The following PARK7 variants were observed in gnomAD, a reference collection of about 807,000 sequenced individuals.
PARK7 encodes the protein Parkinsonism associated deglycase.
In PARK7, 14 loss-of-function variants were observed where a neutral mutation model predicts 20.5. The observed-to-expected ratio is 0.68, with a 90% CI of 0.45 to 1.07. The LOEUF is 1.07. Among genes scored for constraint, PARK7 ranks in the 50% least tolerant of loss-of-function variants. PARK7 has a pLI of 0.00. For missense variants in PARK7, 234 were observed against 238.1 expected (o/e 0.98, Z 0.11); for synonymous variants, 98 against 84.3 (o/e 1.16, Z -0.89).
rs146442878 is a variant in PARK7 at position 7,966,928 on chromosome 1, G to A, written c.192+1503G>A. On this transcript the variant is annotated intron_variant, in intron 3 of 6. Coordinates refer to ENST00000338639, the MANE Select transcript of PARK7 (RefSeq NM_007262.5). The stretch of plus-strand genomic sequence containing the variant: ...TCAAACATTTCTTTGTGTTGGGAAC[G>A]TTCAATATCCTCCTTGCTATTTGAA... 4.4e-3 allele frequency among the ~76,000 whole-genome samples: 665 copies of A among 152,206 alleles called. 25 individuals carry two copies. The highest frequency in any genetic ancestry group is 0.033 in the Admixed American group (506 of 15,280).
intron 6 of PARK7, among the ~76,000 whole-genome samples, chr1:7,980,943 A>T (rs1205883567): frequency 6.6e-6 from 1 of 152,142 alleles, no homozygotes; most frequent in Non-Finnish European, 1.5e-5. Context: ...CCTGGGCTCA[A>T]ATGACCCTCC....
At chr1:7,971,065 G>T in intron 5 of PARK7, 102 bp downstream of exon 5, 1 of 1,249,510 alleles carries the variant, frequency 8.0e-7, no homozygotes. Context: ...CATAAAGCAT[G>T]CAGGGCATCT....
chr1:7,981,562 G>T (rs1640708681), intron 6 of PARK7, among the ~76,000 whole-genome samples: 1 of 152,176 alleles, frequency 6.6e-6, no homozygotes. Flanking sequence ...AAACACGCAG[G>T]GTGGCTTTGT....
chr1:7,967,927 A>T (rs935629023), intron 3 of PARK7, among the ~76,000 whole-genome samples: 9 of 152,062 alleles, frequency 5.9e-5, no homozygotes, highest in Non-Finnish European at 1.3e-4. Context: ...TCTCTAAAAA[A>T]ATTTTATAGG....
intron 4 of PARK7, 36 bp downstream of exon 4, chr1:7,969,440 TGGGG>T: frequency 3.8e-6 from 3 of 790,030 alleles, no homozygotes; most frequent in Non-Finnish European, 4.2e-6. Context: ...TCAATAAAGC[TGGGG>T]GGGGGGAAAA....
chr1:7,977,090 AG>A (rs1640597902), intron 5 of PARK7, among the ~76,000 whole-genome samples: 1 of 152,184 alleles, frequency 6.6e-6, no homozygotes, highest in South Asian at 2.1e-4. Context: ...AGAGAGTACC[AG>A]TTGCCTTTAG....
In PARK7 at chr1:7,972,326, A is replaced by G. The variant is rs528316061; in HGVS notation, c.322+1363A>G. ...AAACAAACAAACAAAAAATTAGCCA[A>G]GCACAGTACTGCATGCATGTAGTCC... is the stretch of plus-strand genomic sequence containing the variant. On this transcript the variant is annotated intron_variant, in intron 5 of 6. Transcript: ENST00000338639. Among the ~76,000 whole-genome samples, 9 of 152,070 alleles carry G rather than the reference A, an allele frequency of 5.9e-5. No homozygotes were observed. In the South Asian group the frequency reaches 1.2e-3, roughly 21 times the overall value.
chr1:7,974,827 T>C (rs1161010825), intron 5 of PARK7, among the ~76,000 whole-genome samples: 1 of 151,006 alleles, frequency 6.6e-6, no homozygotes, highest in Admixed American at 6.6e-5. Flanking sequence ...ATCTTTTAAA[T>C]TGGCAAACAG....
intron 5 of PARK7, among the ~76,000 whole-genome samples, chr1:7,972,118 G>A (rs1640478281): frequency 6.6e-6 from 1 of 152,094 alleles, no homozygotes; most frequent in South Asian, 2.1e-4. Context: ...ATACATTCGA[G>A]TATCAGTGGT....
rs1557444398 is a variant in PARK7, at chr1:7,969,424, T to C, written c.252+20T>C. The C allele has an allele frequency of 9.8e-7, 1 of 1,023,016 alleles. No homozygotes were observed. Among genetic ancestry groups the C allele is most frequent in the Non-Finnish European group, 1.5e-6 (1 of 678,920 alleles). 63.4% of individuals were successfully genotyped at this position (1,023,016 alleles called of 1,614,324 possible). A position where few individuals can be genotyped will look rare whatever the true frequency, so the allele number is the denominator to read the frequency against. ...TCTGAGGTAAAAAATTCTACTCAAT[T>C]ATACCTCAATAAAGCTGGGGGGGGG... On this transcript the variant is annotated intron_variant, in intron 4 of 6. Transcript: ENST00000338639.
chr1:7,974,773 G>C (rs1640542386), intron 5 of PARK7, among the ~76,000 whole-genome samples: 1 of 152,000 alleles, frequency 6.6e-6, no homozygotes, highest in South Asian at 2.1e-4. Context: ...TAATTGAGAT[G>C]AGGGTTATGG....
Position 7,977,717 on chromosome 1 carries a change from A to G in PARK7, c.388A>G (p.Lys130Glu). ...GSKVTTHPLAKDKMMNGGHYT... is the reference protein window; with the variant it reads ...GSKVTTHPLAEDKMMNGGHYT... ...TAAAGTTACAACACACCCTCTTGCT[A>G]AAGACAAAATGATGAATGGAGGTAA... Residue 130 changes from lysine (K) to glutamate (E), a missense_variant, in exon 6 of 7, where the codon AAA becomes GAA. By Grantham distance (56) the Lys-to-Glu change is moderately conservative. Transcript: ENST00000338639. 6.2e-6 allele frequency: 10 copies of G among 1,614,066 alleles called. No individual in the cohort carries two copies. The highest frequency in any genetic ancestry group is 8.5e-6 in the Non-Finnish European group (10 of 1,179,934).
chr1:7,966,506 G>C (rs1553123027), intron 3 of PARK7, among the ~76,000 whole-genome samples: 1 of 151,798 alleles, frequency 6.6e-6, no homozygotes, highest in Non-Finnish European at 1.5e-5. Context: ...GACCAGCCTG[G>C]GCAACATAGC....
At chr1:7,964,497 A>G (rs1220626895) in intron 2 of PARK7, among the ~76,000 whole-genome samples, 5 of 152,252 alleles carry the variant, frequency 3.3e-5, no homozygotes, top group Admixed American at 6.5e-5. Flanking sequence ...GAATGCCACA[A>G]TCTACCCATT....
chr1:7,977,771 G>GTTTT lies in PARK7; in HGVS notation c.409+36_409+39dup, dbSNP rs750178464. The GTTTT allele has an allele frequency of 2.5e-6, 4 of 1,585,868 alleles. No individual in the cohort carries two copies. In the African/African-American group the frequency reaches 5.4e-5, roughly 21 times the overall value. Reference sequence around the variant, plus strand: ...TATGCTTGTTTTTGTTTGTTTGTTTGTTTTTTGAGATGGAGTCTCGCTCCA... The same window carrying GTTTT: ...TATGCTTGTTTTTGTTTGTTTGTTTGTTTTTTTTTTGAGATGGAGTCTCGCTCCA... On this transcript the variant is annotated intron_variant, in intron 6 of 6. Transcript: ENST00000338639.
intron 3 of PARK7, among the ~76,000 whole-genome samples, chr1:7,965,908 C>T (rs778972018): frequency 6.6e-6 from 1 of 152,222 alleles, no homozygotes; most frequent in Non-Finnish European, 1.5e-5. Flanking sequence ...CTCCCAGGTT[C>T]AAGCAATCCT....
chr1:7,973,054 AAG>A lies in PARK7; in HGVS notation c.322+2092_322+2093del, dbSNP rs576235447. Among the ~76,000 whole-genome samples the A allele has an allele frequency of 2.3e-3, 350 of 152,314 alleles. 1 individual carries two copies. Among genetic ancestry groups the A allele is most frequent in the African/African-American group, 7.9e-3 (330 of 41,566 alleles). Reference sequence around the variant, plus strand: ...GACACAGCAAGACTGTCTCAAAAAAAAGTAATAATTTTTAATATGGCAGATGT... The same window carrying A: ...GACACAGCAAGACTGTCTCAAAAAAATAATAATTTTTAATATGGCAGATGT... On this transcript the variant is annotated intron_variant, in intron 5 of 6. Transcript: ENST00000338639.
Position 7,985,497 on chromosome 1 carries a change from C to G in PARK7, c.*443C>G. 3.9e-6 allele frequency: 1 copy of G among 257,042 alleles called. No individual in the cohort carries two copies. The highest frequency in any genetic ancestry group is 1.0e-4 in the East Asian group (1 of 9,754). The allele number at this position is 257,042 out of a possible 1,614,324, so 15.9% of individuals were successfully genotyped here. Reference sequence around the variant, plus strand: ...GTTTTTAATGTGCTATTAAAAAATACCAATGAGGGCTGGGTGTGGTGGCTC... The same window carrying G: ...GTTTTTAATGTGCTATTAAAAAATAGCAATGAGGGCTGGGTGTGGTGGCTC... On this transcript the variant is annotated 3_prime_UTR_variant, in exon 7 of 7. Coordinates refer to ENST00000338639, the MANE Select transcript of PARK7 (RefSeq NM_007262.5).
intron 6 of PARK7, among the ~76,000 whole-genome samples, chr1:7,983,780 C>T (rs575848156): frequency 1.3e-5 from 2 of 152,190 alleles, no homozygotes; most frequent in Non-Finnish European, 2.9e-5. Flanking sequence ...CCCTTTAAAG[C>T]AGGGGACAGG....
Sources: allele counts gnomAD v4.1 joint callset (sites outside exome capture counted in the v4.1 genomes callset), GRCh38; gene constraint gnomAD v4.1.1; transcripts MANE v1.5; gene names NCBI Gene and HGNC (gene_info 2026-07-23, HGNC 2026-07-21).